The following SPTB variants were observed in gnomAD, a reference collection of about 807,000 sequenced individuals.
SPTB encodes spectrin beta chain, erythrocytic.
A neutral mutation model predicts 256.2 loss-of-function variants in SPTB; 45 were observed. The ratio of observed to expected loss-of-function variants is 0.18; its 90% CI spans 0.14 to 0.23. The LOEUF (loss-of-function observed/expected upper bound fraction) is 0.23. SPTB is among the 10% of genes least tolerant of loss of function. SPTB has a pLI of 1.00. For synonymous variants in SPTB, 1,231 were observed against 1,243.1 expected, an observed-to-expected ratio of 0.99 and a Z score of 0.21; for missense variants, 2,715 against 3,040.4, an observed-to-expected ratio of 0.89 and a Z score of 2.52.
At position 64,749,733 on chromosome 14, in the gene SPTB, T is replaced by A; in HGVS notation, c.6777-37A>T. ...AAGGGTTTCCTGTCATGGAGACACC[T>A]CTGGAGGGGGCGCTGGGCAGAGGGC... On this transcript the variant is annotated intron_variant, in intron 34 of 35. Transcript: ENST00000644917. The surrounding 1 kb of genome is among the most constrained non-coding windows in gnomAD (Gnocchi z 4.7). 6.2e-7 allele frequency: 1 copy of A among 1,609,698 alleles called. No homozygotes were observed.
At position 64,759,813 on chromosome 14, in the gene SPTB, C is replaced by G. The variant is rs946008242; in HGVS notation, c.6346-6020G>C. 1.7e-4 allele frequency among the ~76,000 whole-genome samples: 26 copies of G among 152,290 alleles called. No individual in the cohort carries two copies. Among genetic ancestry groups the G allele is most frequent in the African/African-American group, 6.0e-4 (25 of 41,558 alleles). Reference sequence around the variant, plus strand: ...GGGGACACTCTGAAGGAAGAGAGTCCCGCTGCTTGGAAGAAATTCTGGGTG... The same window carrying G: ...GGGGACACTCTGAAGGAAGAGAGTCGCGCTGCTTGGAAGAAATTCTGGGTG... On this transcript the variant is annotated intron_variant, in intron 32 of 35. Transcript: ENST00000644917. This position sits in a 1 kb window ranked among gnomAD's most constrained non-coding sequence, Gnocchi z 4.8.
Position 64,749,249 on chromosome 14 carries a change from C to A in SPTB, c.*57G>T, listed in dbSNP as rs935637087. On this transcript the variant is annotated 3_prime_UTR_variant, in exon 36 of 36. Coordinates refer to ENST00000644917, the MANE Select transcript of SPTB (RefSeq NM_001355436.2). This position sits in a 1 kb window ranked among gnomAD's most constrained non-coding sequence, Gnocchi z 4.7. ...GGGCGGCGGCGAGAGGAGGCCAAGG[C>A]CTGGGCTGCCCGGTCTCTGCGCGTC... The A allele has an allele frequency of 2.0e-6, 3 of 1,533,560 alleles. No individual in the cohort carries two copies. The highest frequency in any genetic ancestry group is 2.6e-6 in the Non-Finnish European group (3 of 1,144,436). 95.0% of individuals were successfully genotyped at this position (1,533,560 alleles called of 1,614,324 possible).
In SPTB at chr14:64,797,745, A is replaced by G. The variant is rs773696890; in HGVS notation, c.1166T>C (p.Val389Ala). 6.2e-7 allele frequency: 1 copy of G among 1,613,260 alleles called. No homozygotes were observed. Among genetic ancestry groups the G allele is most frequent in the Non-Finnish European group, 8.5e-7 (1 of 1,179,182 alleles). Reference protein sequence around the residue: ...KVYTPHDGKLVSDINRAWESL... With the variant: ...KVYTPHDGKLASDINRAWESL... ...CTGTGGTACCCTGTTGATGTCAGACACTAGTTTCCCATCGTGGGGTGTGTA... is the reference window on the plus strand; with the variant it reads ...CTGTGGTACCCTGTTGATGTCAGACGCTAGTTTCCCATCGTGGGGTGTGTA... The change falls in exon 10 of 36, where the codon GTG (valine) becomes GCG (alanine). Residue 389 changes from valine (V) to alanine (A), a missense_variant. This residue lies in a region of SPTB where 416 missense variants were observed against 571.1 expected (regional missense o/e 0.73). Transcript: ENST00000644917.
intron 29 of SPTB, 103 bp downstream of exon 29, chr14:64,768,931 C>A: frequency 1.0e-6 from 1 of 980,756 alleles, no homozygotes; most frequent in Non-Finnish European, 1.6e-6. Flanking sequence ...GGGGGCTCCT[C>A]TCTAGGCAGT....
rs780926587 is a variant in SPTB, at chr14:64,801,807, A to G, written c.594T>C (p.Phe198=). The part of the protein sequence containing the change: ...AGYPHVNVTN[F]TSSWKDGLAF... Reference sequence around the variant, plus strand: ...CCAAGCCATCCTTCCAGCTGGAGGTAAAGTTGGTGACATTAACATGAGGGT... The same window carrying G: ...CCAAGCCATCCTTCCAGCTGGAGGTGAAGTTGGTGACATTAACATGAGGGT... Residue 198 remains phenylalanine, a synonymous_variant, in exon 6 of 36, where the codon TTT becomes TTC. Coordinates refer to ENST00000644917, the MANE Select transcript of SPTB (RefSeq NM_001355436.2). 2 of 1,614,230 alleles carry G rather than the reference A, an allele frequency of 1.2e-6. No individual in the cohort carries two copies. The highest frequency in any genetic ancestry group is 8.5e-7 in the Non-Finnish European group (1 of 1,180,040).
Position 64,796,765 on chromosome 14 carries a change from A to G in SPTB, c.1183-50T>C. On this transcript the variant is annotated intron_variant, in intron 10 of 35. Transcript: ENST00000644917. This position sits in a 1 kb window ranked among gnomAD's most constrained non-coding sequence, Gnocchi z 4.1. The stretch of plus-strand genomic sequence containing the variant: ...TCTTGGGGCACAGGAGAAATGCCTC[A>G]CTTTGGGGGCTCCACCCCTTTCACC... 2.5e-6 allele frequency: 4 copies of G among 1,611,296 alleles called. No homozygotes were observed. The highest frequency in any genetic ancestry group is 3.4e-6 in the Non-Finnish European group (4 of 1,178,796).
At chr14:64,817,029 G>T (rs1000268040) in intron 2 of SPTB, among the ~76,000 whole-genome samples, 1 of 152,218 alleles carries the variant, frequency 6.6e-6, no homozygotes, top group African/African-American at 2.4e-5. Flanking sequence ...ATTAATATTT[G>T]ATAAAGCATC....
rs1024053753 is a variant in SPTB at position 64,766,820 on chromosome 14, C to T, written c.6270-19G>A. 6 of 1,608,858 alleles carry T rather than the reference C, an allele frequency of 3.7e-6. No homozygotes were observed. The African/African-American group carries it at 6.7e-5, about 18-fold the overall frequency. The stretch of plus-strand genomic sequence containing the variant: ...TTGAGGCCTAAGGAAGACACAGTCT[C>T]TCTTTAGAAACAAGCACCCCTCTGA... On this transcript the variant is annotated intron_variant, in intron 31 of 35. Transcript: ENST00000644917.
rs1293091598 is a variant in SPTB, at chr14:64,802,887, T to C, written c.475-570A>G. Reference sequence around the variant, plus strand: ...CCTGATTCCTCCTCTGGAGGTGCAATGCCCCTTGAGGCTGTGGAACAACAT... The same window carrying C: ...CCTGATTCCTCCTCTGGAGGTGCAACGCCCCTTGAGGCTGTGGAACAACAT... On this transcript the variant is annotated intron_variant, in intron 4 of 35. Transcript: ENST00000644917. This position sits in a 1 kb window ranked among gnomAD's most constrained non-coding sequence, Gnocchi z 5.1. 2.0e-5 allele frequency among the ~76,000 whole-genome samples: 3 copies of C among 152,312 alleles called. No individual in the cohort carries two copies. In the East Asian group the frequency reaches 5.8e-4, roughly 29 times the overall value.
rs140579734 is a variant in SPTB at position 64,859,648 on chromosome 14, G to A, written c.-52+20144C>T. Among the ~76,000 whole-genome samples the A allele has an allele frequency of 3.4e-3, 522 of 152,136 alleles. 3 individuals carry two copies. The highest frequency in any genetic ancestry group is 0.011 in the African/African-American group (470 of 41,484). On this transcript the variant is annotated intron_variant, in intron 1 of 35. Transcript: ENST00000644917. ...GGTCCTAGTTATTTGGGAGGCTGAG[G>A]TGGGTGGATCACTTGAGCCCAGGGA...
chr14:64,832,211 C>T (rs909318723), intron 1 of SPTB, among the ~76,000 whole-genome samples: 1 of 152,254 alleles, frequency 6.6e-6, no homozygotes, highest in Non-Finnish European at 1.5e-5. Context: ...TCCGCCCTCA[C>T]TCCATGAAGC....
intron 4 of SPTB, among the ~76,000 whole-genome samples, chr14:64,803,058 G>A (rs750015344): frequency 4.6e-5 from 7 of 152,150 alleles, no homozygotes; most frequent in Admixed American, 1.3e-4. Flanking sequence ...TCTTTAGTCC[G>A]CGAGTTGTAT....
rs2081925775 is a variant in SPTB, at chr14:64,750,322, G to A, written c.6603-168C>T. 3.9e-6 allele frequency: 3 copies of A among 767,910 alleles called. No individual in the cohort carries two copies. In the African/African-American group the frequency reaches 5.3e-5, roughly 14 times the overall value. The allele number at this position is 767,910 out of a possible 1,614,324, so 47.6% of individuals were successfully genotyped here. A position where few individuals can be genotyped will look rare whatever the true frequency, so the allele number is the denominator to read the frequency against. On this transcript the variant is annotated intron_variant, in intron 33 of 35. Transcript: ENST00000644917. ...CATGTAATTTCATTACAAAAAATTA[G>A]CTATTATTAACATTTTATGTATTCC...
chr14:64,775,881 T>C lies in SPTB; in HGVS notation c.4564-478A>G, dbSNP rs893334244. Among the ~76,000 whole-genome samples the C allele has an allele frequency of 6.6e-6, 1 of 152,208 alleles. No homozygotes were observed. The highest frequency in any genetic ancestry group is 1.5e-5 in the Non-Finnish European group (1 of 68,026). On this transcript the variant is annotated intron_variant, in intron 22 of 35. Coordinates refer to ENST00000644917, the MANE Select transcript of SPTB (RefSeq NM_001355436.2). The surrounding 1 kb of genome is among the most constrained non-coding windows in gnomAD (Gnocchi z 5.0). ...ACCCAGCAGCTCAGGTGGGCACAGT[T>C]TTTGCCTTCCATCTAAAAGAACAGG...
chr14:64,791,004 T>C (rs533918508), intron 15 of SPTB, among the ~76,000 whole-genome samples: 14 of 152,194 alleles, frequency 9.2e-5, no homozygotes, highest in Non-Finnish European at 1.6e-4. Flanking sequence ...CATTATTTTA[T>C]GGACAGTACT....
At chr14:64,753,485 T>C in intron 33 of SPTB, 52 bp downstream of exon 33, 1 of 1,611,198 alleles carries the variant, frequency 6.2e-7, no homozygotes, top group Non-Finnish European at 8.5e-7. Context: ...AGCAGAGAGA[T>C]CCCTGAGAGC....
intron 1 of SPTB, among the ~76,000 whole-genome samples, chr14:64,857,876 TA>T (rs1156858518): frequency 6.6e-6 from 1 of 152,170 alleles, no homozygotes; most frequent in African/African-American, 2.4e-5. Context: ...TGAGATCTGC[TA>T]AAAAGCAACA....
In SPTB at chr14:64,825,635, A is replaced by T. The variant is rs1398241888; in HGVS notation, c.-51-2490T>A. Among the ~76,000 whole-genome samples the T allele has an allele frequency of 6.6e-6, 1 of 152,244 alleles. No individual in the cohort carries two copies. Among genetic ancestry groups the T allele is most frequent in the Non-Finnish European group, 1.5e-5 (1 of 68,036 alleles). On this transcript the variant is annotated intron_variant, in intron 1 of 35. Coordinates refer to ENST00000644917, the MANE Select transcript of SPTB (RefSeq NM_001355436.2). This position sits in a 1 kb window ranked among gnomAD's most constrained non-coding sequence, Gnocchi z 4.8. The stretch of plus-strand genomic sequence containing the variant: ...GGTGAGATCAGACCCTGAGTGCAGG[A>T]AGTAACCGGACCCTGGCTCTCCTGA...
At chr14:64,868,120 A>G (rs1882304035) in intron 1 of SPTB, among the ~76,000 whole-genome samples, 1 of 152,228 alleles carries the variant, frequency 6.6e-6, no homozygotes, top group Non-Finnish European at 1.5e-5. Context: ...TTAAAGCAGT[A>G]GAATGACTCA....
Sources: gnomAD v4.1 joint callset for allele counts (sites outside exome capture counted in the v4.1 genomes callset) on GRCh38, gnomAD v4.1.1 for gene constraint, gnomAD v4.1.1 regional missense constraint, Gnocchi (gnomAD v3.1) non-coding constraint, MANE v1.5 for transcripts, NCBI Gene and HGNC (gene_info 2026-07-23, HGNC 2026-07-21) for gene names.